Variants in ZFC3H1 observed in about 807,000 individuals in gnomAD.
ZFC3H1 encodes the protein zinc finger C3H1-type containing.
Under a neutral mutation model 243.7 loss-of-function variants are expected in ZFC3H1, and 71 were observed. The observed-to-expected ratio is 0.29, with a 90% CI of 0.24 to 0.36. The LOEUF (loss-of-function observed/expected upper bound fraction) is 0.36. ZFC3H1 is among the 10% of genes least tolerant of loss of function. The pLI, the probability that ZFC3H1 is intolerant of heterozygous loss-of-function variation, is 1.00. For missense variants in ZFC3H1, 1,966 were observed against 2,317.1 expected, an observed-to-expected ratio of 0.85 and a Z score of 3.11; for synonymous variants, 838 against 813.0, an observed-to-expected ratio of 1.03 and a Z score of -0.52.
intron 20 of ZFC3H1, among the ~76,000 whole-genome samples, chr12:71,628,408 TC>T (rs1361947339): frequency 6.6e-6 from 1 of 152,256 alleles, no homozygotes; most frequent in African/African-American, 2.4e-5. Context: ...ACTTGCTAAT[TC>T]ACAAATAATG....
At chr12:71,643,633 T>C (rs1311938486) in intron 5 of ZFC3H1, among the ~76,000 whole-genome samples, 1 of 152,160 alleles carries the variant, frequency 6.6e-6, no homozygotes, top group Non-Finnish European at 1.5e-5. Context: ...ATATACATAG[T>C]AAATGTTCAA....
At chr12:71,632,654 C>T (rs560107546) in intron 14 of ZFC3H1, 140 bp from the exon 15 acceptor site, 1,321 of 1,263,718 alleles carry the variant, frequency 1.0e-3, no homozygotes, top group Non-Finnish European at 1.1e-3. Flanking sequence ...CAGAGTTTAA[C>T]ATAAGTAGCC....
chr12:71,641,581 A>G (rs1880604161), intron 6 of ZFC3H1, among the ~76,000 whole-genome samples: 1 of 152,228 alleles, frequency 6.6e-6, no homozygotes, highest in African/African-American at 2.4e-5. Context: ...AACAAAATCA[A>G]GTCTCTGGCC....
At chr12:71,647,600 T>C (rs998194484) in intron 3 of ZFC3H1, 149 bp downstream of exon 3, 74 of 494,448 alleles carry the variant, frequency 1.5e-4, no homozygotes, top group Middle Eastern at 7.0e-4. Context: ...CGATCCAGAA[T>C]TTCTTTAAGG....
chr12:71,625,562 C>T (rs1046606327), intron 22 of ZFC3H1, among the ~76,000 whole-genome samples: 1 of 152,076 alleles, frequency 6.6e-6, no homozygotes, highest in Non-Finnish European at 1.5e-5. Flanking sequence ...CATGGTAGCA[C>T]GCATGTGTGG....
Position 71,631,770 on chromosome 12 carries a change from T to C in ZFC3H1, c.3470+8A>G. On this transcript the variant is annotated splice_region_variant and intron_variant, in intron 16 of 34. Transcript: ENST00000378743. ...GAAATTCAAGCTTATTGAATCTTTC[T>C]TTTATACCTGTAGGACTTAAAAACT... is the stretch of plus-strand genomic sequence containing the variant. 1 of 1,576,180 alleles carries C rather than the reference T, an allele frequency of 6.3e-7. No individual in the cohort carries two copies. Among genetic ancestry groups the C allele is most frequent in the Non-Finnish European group, 8.6e-7 (1 of 1,166,082 alleles).
At chr12:71,633,061 A>G in intron 13 of ZFC3H1, 44 bp from the exon 14 acceptor site, 1 of 1,545,386 alleles carries the variant, frequency 6.5e-7, no homozygotes, top group Non-Finnish European at 8.7e-7. Flanking sequence ...TGAAAACCTT[A>G]AAACAGGAAA....
chr12:71,624,205 T>C lies in ZFC3H1; in HGVS notation c.4405A>G (p.Thr1469Ala). Residue 1469 changes from threonine to alanine, a missense_variant, in exon 23 of 35, where the codon ACA (threonine) becomes GCA (alanine). By Grantham distance (58) the Thr-to-Ala change is moderately conservative. Transcript: ENST00000378743. ...AGCTGAAAGGACAAAATATTGGATG[T>C]TTCCTGCTTGGCTGCTCCCATCAGA... Reference protein sequence around the residue: ...EFLMGAAKQETSNILSFQLLE... With the variant: ...EFLMGAAKQEASNILSFQLLE... The C allele has an allele frequency of 1.9e-6, 3 of 1,614,082 alleles. No individual in the cohort carries two copies. Among genetic ancestry groups the C allele is most frequent in the Non-Finnish European group, 2.5e-6 (3 of 1,179,998 alleles).
At position 71,631,177 on chromosome 12, in the gene ZFC3H1, G is replaced by GA. The variant is rs535287403; in HGVS notation, c.3471-224dup. On this transcript the variant is annotated intron_variant, in intron 16 of 34. Transcript: ENST00000378743. ...CCAAGAACATAAAATAGTTTAAACAGAAAAAAAACCTTGTATTCTAAAAGT... is the reference window on the plus strand; with the variant it reads ...CCAAGAACATAAAATAGTTTAAACAGAAAAAAAAACCTTGTATTCTAAAAGT... Among the ~76,000 whole-genome samples, 965 of 151,510 alleles carry GA rather than the reference G, an allele frequency of 6.4e-3. 6 individuals carry two copies. Among genetic ancestry groups the GA allele is most frequent in the Non-Finnish European group, 9.6e-3 (653 of 67,766 alleles).
At chr12:71,620,640 CA>C (rs551895646) in intron 24 of ZFC3H1, among the ~76,000 whole-genome samples, 16 of 148,992 alleles carry the variant, frequency 1.1e-4, no homozygotes, top group African/African-American at 2.5e-4. Context: ...TCCATCTCAA[CA>C]AAAAAAAAAT....
At position 71,638,436 on chromosome 12, in the gene ZFC3H1, A is replaced by G; in HGVS notation, c.1707T>C (p.Pro569=). ...GACTTACAGAAACCTGAGGTGGTGGAGGCAAAGAAAGAGATGGTGCTGGAG... is the reference window on the plus strand; with the variant it reads ...GACTTACAGAAACCTGAGGTGGTGGGGGCAAAGAAAGAGATGGTGCTGGAG... ...YFSPAPSLSL[P]PPPQVSSLPP... Residue 569 remains proline (P), a synonymous_variant, in exon 7 of 35, where the codon CCT becomes CCC. Coordinates refer to ENST00000378743, the MANE Select transcript of ZFC3H1 (RefSeq NM_144982.5). 6.2e-7 allele frequency: 1 copy of G among 1,612,676 alleles called. No individual in the cohort carries two copies. Among genetic ancestry groups the G allele is most frequent in the Non-Finnish European group, 8.5e-7 (1 of 1,179,532 alleles).
rs185963164 is a variant in ZFC3H1, at chr12:71,642,422, G to A, written c.1627+14C>T. The A allele has an allele frequency of 6.2e-6, 10 of 1,607,818 alleles. No homozygotes were observed. On this transcript the variant is annotated intron_variant, in intron 6 of 34. Transcript: ENST00000378743. ...ACATGTAAATACACAAAGGTTTCAAGTTTTGGCTCATACCTGGAGAACTGG... is the reference window on the plus strand; with the variant it reads ...ACATGTAAATACACAAAGGTTTCAAATTTTGGCTCATACCTGGAGAACTGG...
rs1880363564 is a variant in ZFC3H1 at position 71,632,999 on chromosome 12, G to A, written c.2704C>T (p.Arg902Cys). ...LQEQIHRVQQ[R>C]VTIKKALTLK... ...GTCAAAGCTTTCTTAATTGTAACAC[G>A]CTGTTGAACTCTGTGAATCTGAAAA... Residue 902 changes from arginine (R) to cysteine (C), a missense_variant, in exon 14 of 35, where the codon CGT becomes TGT. Around this residue, in one of 4 missense-constraint regions of ZFC3H1, gnomAD observed 1,383 missense variants for 1,723.7 expected, o/e 0.80. Coordinates refer to ENST00000378743, the MANE Select transcript of ZFC3H1 (RefSeq NM_144982.5). 1.9e-6 allele frequency: 3 copies of A among 1,606,280 alleles called. No homozygotes were observed. Among genetic ancestry groups the A allele is most frequent in the Non-Finnish European group, 2.5e-6 (3 of 1,177,904 alleles).
chr12:71,638,638 T>C (rs1880526076), intron 6 of ZFC3H1, 123 bp from the exon 7 acceptor site: 2 of 777,290 alleles, frequency 2.6e-6, no homozygotes, highest in South Asian at 3.9e-5. Flanking sequence ...TATCAACCTC[T>C]GATAAAATCT....
At chr12:71,616,745 C>T (rs374853463) in intron 27 of ZFC3H1, among the ~76,000 whole-genome samples, 12 of 152,056 alleles carry the variant, frequency 7.9e-5, no homozygotes, top group Admixed American at 4.6e-4. Context: ...ATGAATTAGA[C>T]GGGCTGTATG....
chr12:71,625,969 G>A (rs1880154706), intron 22 of ZFC3H1, among the ~76,000 whole-genome samples: 1 of 151,986 alleles, frequency 6.6e-6, no homozygotes, highest in Non-Finnish European at 1.5e-5. Context: ...CTAAAACTGT[G>A]TAAAAATAGG....
In ZFC3H1 at chr12:71,614,558, A is replaced by G. The variant is rs1879849254; in HGVS notation, c.5503T>C (p.Ser1835Pro). 1 of 1,599,710 alleles carries G rather than the reference A, an allele frequency of 6.3e-7. No individual in the cohort carries two copies. Among genetic ancestry groups the G allele is most frequent in the African/African-American group, 1.3e-5 (1 of 74,340 alleles). The change falls in exon 30 of 35, where the codon TCC becomes CCC. Residue 1835 changes from serine (S) to proline (P), a missense_variant. Physicochemically the swap from Ser to Pro is moderately conservative, Grantham distance 74. This residue lies in a region of ZFC3H1 where 1,383 missense variants were observed against 1,723.7 expected (regional missense o/e 0.80). Coordinates refer to ENST00000378743, the MANE Select transcript of ZFC3H1 (RefSeq NM_144982.5). ...ACCCTATTATGAAATTCATAGTTGG[A>G]CCAGTAATCAGCACTGCTAAAAGGA... ...PIPFSSADYW[S>P]NYEFHNRVIF...
intron 9 of ZFC3H1, 113 bp from the exon 10 acceptor site, chr12:71,635,693 T>C: frequency 2.0e-6 from 2 of 1,023,272 alleles, no homozygotes; most frequent in Middle Eastern, 3.3e-4. Flanking sequence ...TGGCTCCTTC[T>C]AGGGTTGTAT....
intron 24 of ZFC3H1, 39 bp from the exon 25 acceptor site, chr12:71,620,354 C>A (rs1338578975): frequency 6.3e-7 from 1 of 1,598,932 alleles, no homozygotes; most frequent in Non-Finnish European, 8.6e-7. Context: ...TCACGTCAAT[C>A]ATAAAAATGA....
Sources: allele counts gnomAD v4.1 joint callset (sites outside exome capture counted in the v4.1 genomes callset), GRCh38; gene constraint gnomAD v4.1.1; regional missense constraint gnomAD v4.1.1; transcripts MANE v1.5; gene names NCBI Gene and HGNC (gene_info 2026-07-23, HGNC 2026-07-21).